ZBTB20: variants seen among roughly 807,000 people sequenced by gnomAD.
The protein encoded by ZBTB20 is zinc finger and BTB domain containing 20, also known as zinc finger and BTB domain-containing protein 20.
Under a neutral mutation model 56.9 loss-of-function variants are expected in ZBTB20, and 9 were observed. That is an observed-to-expected ratio of 0.16 (90% CI 0.10 to 0.28). The LOEUF is 0.28. ZBTB20 is among the 10% of genes least tolerant of loss of function. The pLI is 1.00. For missense variants in ZBTB20, 655 were observed against 1,003.0 expected (o/e 0.65, Z 4.69); for synonymous variants, 417 against 420.7 (o/e 0.99, Z 0.11).
intron 4 of ZBTB20, among the ~76,000 whole-genome samples, chr3:114,838,495 C>T (rs2074225245): frequency 6.6e-6 from 1 of 151,924 alleles, no homozygotes; most frequent in Admixed American, 6.6e-5. Context: ...TCATGAGGGC[C>T]TAAAGGGAGA....
intron 2 of ZBTB20, among the ~76,000 whole-genome samples, chr3:115,007,919 CT>C (rs1220106792): frequency 6.6e-6 from 1 of 151,864 alleles, no homozygotes; most frequent in African/African-American, 2.4e-5. Context: ...TGGCTTCATA[CT>C]TTTTGGCTCT....
At chr3:114,702,250 G>A (rs73224542) in intron 5 of ZBTB20, among the ~76,000 whole-genome samples, 2,529 of 152,258 alleles carry the variant, frequency 0.017, 29 homozygotes, top group African/African-American at 0.02. Context: ...GGCTGAGGCT[G>A]AGGCTGAGGA....
intron 6 of ZBTB20, among the ~76,000 whole-genome samples, chr3:114,531,523 G>A (rs1462931048): frequency 1.3e-5 from 2 of 152,196 alleles, no homozygotes; most frequent in Non-Finnish European, 2.9e-5. Flanking sequence ...TTATCAGCCT[G>A]AAGAGAACCA....
chr3:114,688,324 C>T (rs982734556), intron 6 of ZBTB20: 1 of 150,690 alleles, frequency 6.6e-6, no homozygotes, highest in African/African-American at 2.4e-5. Context: ...CCCCAAACCT[C>T]AGCATCACAC....
At chr3:114,679,820 T>A (rs1347051491) in intron 6 of ZBTB20, among the ~76,000 whole-genome samples, 1 of 152,204 alleles carries the variant, frequency 6.6e-6, no homozygotes, top group Non-Finnish European at 1.5e-5. Context: ...CATTCTACTA[T>A]AAAGACTCAT....
At chr3:114,415,077 G>A (rs2722013) in intron 7 of ZBTB20, among the ~76,000 whole-genome samples, 88,751 of 151,778 alleles carry the variant, frequency 0.58, 28,953 homozygotes, top group Non-Finnish European at 0.75. Context: ...ACTCTCACTG[G>A]CTAATGAAAA....
intron 6 of ZBTB20, among the ~76,000 whole-genome samples, chr3:114,505,777 A>T (rs1041153905): frequency 6.6e-5 from 10 of 152,134 alleles, no homozygotes; most frequent in African/African-American, 2.4e-4. Flanking sequence ...TCAAAGGATG[A>T]GGCACTATTA....
rs1185372712 is a variant in ZBTB20 at position 114,631,925 on chromosome 3, T to G, written c.-295+61603A>C. ...CCCTTAAGAAGGGAACAGGTGCTTTTGCTGTATAATTACAGGTAGAGTTTA... is the reference window on the plus strand; with the variant it reads ...CCCTTAAGAAGGGAACAGGTGCTTTGGCTGTATAATTACAGGTAGAGTTTA... On this transcript the variant is annotated intron_variant, in intron 6 of 11. Coordinates refer to ENST00000675478, the MANE Select transcript of ZBTB20 (RefSeq NM_001348800.3). Among the ~76,000 whole-genome samples, 7 of 152,182 alleles carry G rather than the reference T, an allele frequency of 4.6e-5. No homozygotes were observed. The East Asian group carries it at 1.2e-3, about 25-fold the overall frequency.
chr3:114,339,069 G>A lies in ZBTB20; in HGVS notation c.2162C>T (p.Pro721Leu). Residue 721 changes from proline (P) to leucine (L), a missense_variant, in exon 12 of 12, where the codon CCA becomes CTA. Transcript: ENST00000675478. The surrounding 1 kb of genome is among the most constrained non-coding windows in gnomAD (Gnocchi z 4.2). ...EGTTYVCSVCPAKFDQIEQFN... is the reference protein window; with the variant it reads ...EGTTYVCSVCLAKFDQIEQFN... ...CTGCTCGATTTGGTCAAACTTTGCT[G>A]GGCAGACGGAGCAGACGTAAGTGGT... 6.4e-7 allele frequency: 1 copy of A among 1,560,116 alleles called. No individual in the cohort carries two copies. The highest frequency in any genetic ancestry group is 8.7e-7 in the Non-Finnish European group (1 of 1,151,588).
At chr3:114,971,680 T>C (rs1415510049) in intron 3 of ZBTB20, among the ~76,000 whole-genome samples, 1 of 152,170 alleles carries the variant, frequency 6.6e-6, no homozygotes, top group East Asian at 1.9e-4. Flanking sequence ...GAAGAATGGA[T>C]GGTTTTACAG....
intron 7 of ZBTB20, among the ~76,000 whole-genome samples, chr3:114,457,322 T>C (rs1308051313): frequency 6.6e-6 from 1 of 152,172 alleles, no homozygotes; most frequent in South Asian, 2.1e-4. Context: ...TGAGGAAACA[T>C]ATAAAGTACA....
At chr3:114,857,370 G>A (rs1465142272) in intron 4 of ZBTB20, among the ~76,000 whole-genome samples, 2 of 152,098 alleles carry the variant, frequency 1.3e-5, no homozygotes, top group Non-Finnish European at 2.9e-5. Context: ...GTAAAACACT[G>A]GCACTTTCCC....
At chr3:115,103,021 T>G (rs1037638932) in intron 1 of ZBTB20, 2 of 151,948 alleles carry the variant, frequency 1.3e-5, no homozygotes, top group Non-Finnish European at 1.5e-5. Context: ...ATCTCAAAAC[T>G]TTTCCCATAT....
chr3:114,437,913 G>T (rs544683413), intron 7 of ZBTB20, among the ~76,000 whole-genome samples: 1 of 152,088 alleles, frequency 6.6e-6, no homozygotes, highest in Non-Finnish European at 1.5e-5. Flanking sequence ...AGTGTGGACA[G>T]GCCCATCCAT....
rs1210604344 is a variant in ZBTB20 at position 114,500,383 on chromosome 3, G to C, written c.-286C>G. 6.6e-6 allele frequency: 1 copy of C among 151,946 alleles called. No individual in the cohort carries two copies. The highest frequency in any genetic ancestry group is 6.6e-5 in the Admixed American group (1 of 15,260). The allele number at this position is 151,946 out of a possible 1,614,324, so 9.4% of individuals were successfully genotyped here. On this transcript the variant is annotated 5_prime_UTR_variant, in exon 7 of 12. Transcript: ENST00000675478. ...AGAAGGGGCAGGTCACAGACTGATG[G>C]TCAAAGATCTGAAAATCAAAGAAAA...
intron 7 of ZBTB20, among the ~76,000 whole-genome samples, chr3:114,438,539 A>T (rs2090694371): frequency 6.6e-6 from 1 of 152,154 alleles, no homozygotes; most frequent in Non-Finnish European, 1.5e-5. Context: ...GGAGGAAAGA[A>T]GGAGAGATGA....
intron 3 of ZBTB20, among the ~76,000 whole-genome samples, chr3:114,949,067 A>G (rs2076978851): frequency 6.8e-6 from 1 of 146,292 alleles, no homozygotes; most frequent in African/African-American, 2.8e-5. Flanking sequence ...TGCATCATTG[A>G]TGCAAGGGTA....
intron 5 of ZBTB20, among the ~76,000 whole-genome samples, chr3:114,790,517 C>T (rs772237952): frequency 6.6e-6 from 1 of 151,752 alleles, no homozygotes; most frequent in Non-Finnish European, 1.5e-5. Flanking sequence ...GCTGCATTAT[C>T]TTCAATAACA....
At chr3:114,546,193 C>T (rs867071960) in intron 6 of ZBTB20, among the ~76,000 whole-genome samples, 18 of 152,272 alleles carry the variant, frequency 1.2e-4, no homozygotes, top group Middle Eastern at 3.4e-3. Flanking sequence ...TCTCTGGCAG[C>T]GGATAGAGTC....
Sources: allele counts gnomAD v4.1 joint callset (sites outside exome capture counted in the v4.1 genomes callset), GRCh38; gene constraint gnomAD v4.1.1; non-coding constraint Gnocchi (gnomAD v3.1); transcripts MANE v1.5; gene names NCBI Gene and HGNC (gene_info 2026-07-23, HGNC 2026-07-21).